The following ARFIP1 variants were observed in gnomAD, a reference collection of about 807,000 sequenced individuals.
ARFIP1 encodes arfaptin-1.
A neutral mutation model predicts 42.5 loss-of-function variants in ARFIP1; 24 were observed. That is an observed-to-expected ratio of 0.57 (90% CI 0.41 to 0.80). The LOEUF (loss-of-function observed/expected upper bound fraction) is 0.80, where lower values mean the gene tolerates loss of function less well. Among genes scored for constraint, ARFIP1 ranks in the 30% least tolerant of loss-of-function variants. The pLI is 0.00. For synonymous variants in ARFIP1, 141 were observed against 153.7 expected (o/e 0.92, Z 0.61); for missense variants, 354 against 434.0 (o/e 0.82, Z 1.64).
intron 2 of ARFIP1, among the ~76,000 whole-genome samples, chr4:152,850,021 T>C (rs1211402369): frequency 6.6e-6 from 1 of 152,182 alleles, no homozygotes; most frequent in Non-Finnish European, 1.5e-5. Context: ...AACTACAGAT[T>C]CCCAAACCTG....
intron 2 of ARFIP1, among the ~76,000 whole-genome samples, chr4:152,853,861 C>G (rs977207967): frequency 2.1e-5 from 3 of 143,730 alleles, no homozygotes; most frequent in Non-Finnish European, 4.6e-5. Flanking sequence ...TTATTTTTTT[C>G]TGATTGGGTT....
intron 1 of ARFIP1, among the ~76,000 whole-genome samples, chr4:152,784,997 G>A (rs1004475527): frequency 1.3e-5 from 2 of 152,158 alleles, no homozygotes; most frequent in African/African-American, 2.4e-5. Flanking sequence ...TTCCAGAGGA[G>A]GGAGTCAGTT....
intron 8 of ARFIP1, among the ~76,000 whole-genome samples, chr4:152,905,545 GTT>G (rs59608457): frequency 3.0e-4 from 9 of 30,378 alleles, no homozygotes; most frequent in South Asian, 1.9e-3. Context: ...TGTAAGAATT[GTT>G]TTTTTTTTTT....
intron 2 of ARFIP1, among the ~76,000 whole-genome samples, chr4:152,837,278 C>G (rs1031809408): frequency 1.3e-5 from 2 of 152,188 alleles, no homozygotes; most frequent in Non-Finnish European, 2.9e-5. Flanking sequence ...TTCTTTTCCT[C>G]TGGCTAGATA....
At chr4:152,820,184 T>A (rs1350513180) in intron 1 of ARFIP1, among the ~76,000 whole-genome samples, 1 of 151,972 alleles carries the variant, frequency 6.6e-6, no homozygotes, top group African/African-American at 2.4e-5. Context: ...CACAGCCACT[T>A]CTGTCAAGGC....
At chr4:152,902,415 T>A (rs1737917208) in intron 8 of ARFIP1, among the ~76,000 whole-genome samples, 1 of 152,128 alleles carries the variant, frequency 6.6e-6, no homozygotes, top group Non-Finnish European at 1.5e-5. Context: ...GGTAGGAGGA[T>A]CACTTGAACC....
At chr4:152,866,721 G>C (rs1451776088) in intron 3 of ARFIP1, among the ~76,000 whole-genome samples, 1 of 151,090 alleles carries the variant, frequency 6.6e-6, no homozygotes, top group African/African-American at 2.4e-5. Flanking sequence ...CCAGGCGGAG[G>C]GGCTCCTCAC....
intron 1 of ARFIP1, among the ~76,000 whole-genome samples, chr4:152,786,762 G>A (rs1221764594): frequency 5.9e-5 from 9 of 152,258 alleles, no homozygotes; most frequent in Non-Finnish European, 1.0e-4. Context: ...CTTGTACCAT[G>A]TTCTGCATAA....
rs575998403 is a variant in ARFIP1 at position 152,835,135 on chromosome 4, C to T, written c.93+5409C>T. 1.6e-3 allele frequency among the ~76,000 whole-genome samples: 238 copies of T among 152,340 alleles called. 1 individual carries two copies. The highest frequency in any genetic ancestry group is 0.015 in the South Asian group (70 of 4,826). On this transcript the variant is annotated intron_variant, in intron 2 of 8. Coordinates refer to ENST00000353617, the MANE Select transcript of ARFIP1 (RefSeq NM_001025595.3). ...TTAGCACATGGCTCCCCTTTAGTCA[C>T]GCTAATCTCTCTAGCAAGTGGCTGC...
chr4:152,910,373 C>A lies in ARFIP1; in HGVS notation c.*154C>A. 1.2e-6 allele frequency: 1 copy of A among 852,176 alleles called. No individual in the cohort carries two copies. The highest frequency in any genetic ancestry group is 1.7e-6 in the Non-Finnish European group (1 of 571,428). 52.8% of individuals were successfully genotyped at this position (852,176 alleles called of 1,614,324 possible). A position where few individuals can be genotyped will look rare whatever the true frequency, so the allele number is the denominator to read the frequency against. On this transcript the variant is annotated 3_prime_UTR_variant, in exon 9 of 9. Transcript: ENST00000353617. ...AATTTTTCCCTTTTTCATACTTTAA[C>A]AATTGAACTGTTAAGGGTGGTTTTA... is the stretch of plus-strand genomic sequence containing the variant.
chr4:152,893,248 A>T (rs1157676541), intron 8 of ARFIP1, among the ~76,000 whole-genome samples: 1 of 152,196 alleles, frequency 6.6e-6, no homozygotes, highest in Non-Finnish European at 1.5e-5. Flanking sequence ...GTCAACTCGG[A>T]GAGGATAAAA....
At chr4:152,908,946 T>C (rs552025896) in intron 8 of ARFIP1, among the ~76,000 whole-genome samples, 13 of 140,810 alleles carry the variant, frequency 9.2e-5, no homozygotes, top group African/African-American at 3.5e-4. Flanking sequence ...GTGTGTAATA[T>C]AGTGAAACAA....
intron 8 of ARFIP1, among the ~76,000 whole-genome samples, chr4:152,905,989 C>A (rs908612334): frequency 3.9e-5 from 6 of 152,078 alleles, no homozygotes; most frequent in Admixed American, 6.5e-5. Flanking sequence ...TGATGTTTTT[C>A]ATTTATAATT....
chr4:152,824,445 A>G (rs1730652258), intron 1 of ARFIP1, among the ~76,000 whole-genome samples: 1 of 152,236 alleles, frequency 6.6e-6, no homozygotes, highest in Admixed American at 6.5e-5. Context: ...CAAAAATGGT[A>G]TGATCATCTC....
chr4:152,872,208 G>A (rs1217821057), intron 4 of ARFIP1, among the ~76,000 whole-genome samples: 1 of 152,072 alleles, frequency 6.6e-6, no homozygotes, highest in African/African-American at 2.4e-5. Context: ...TTTTTTGTTT[G>A]TTTGTTTGTT....
intron 3 of ARFIP1, among the ~76,000 whole-genome samples, chr4:152,867,041 A>C (rs371576111): frequency 6.9e-6 from 1 of 144,640 alleles, no homozygotes; most frequent in Non-Finnish European, 1.5e-5. Context: ...GGCTCCTCAC[A>C]TCCCAGACGA....
chr4:152,822,296 T>TAAAAA (rs70949618), intron 1 of ARFIP1, among the ~76,000 whole-genome samples: 359 of 64,894 alleles, frequency 5.5e-3, no homozygotes, highest in East Asian at 0.014. Context: ...GCAACAGCAG[T>TAAAAA]AAAAAAAAAA....
At chr4:152,783,860 C>T (rs1232159722) in intron 1 of ARFIP1, among the ~76,000 whole-genome samples, 4 of 151,672 alleles carry the variant, frequency 2.6e-5, no homozygotes, top group Non-Finnish European at 5.9e-5. Context: ...TGTGTTAGAA[C>T]ACACACACCT....
chr4:152,825,111 A>G (rs1730723436), intron 1 of ARFIP1, among the ~76,000 whole-genome samples: 1 of 152,132 alleles, frequency 6.6e-6, no homozygotes, highest in African/African-American at 2.4e-5. Context: ...TTCCATAAGA[A>G]TCTGTATTCT....
Sources: allele counts gnomAD v4.1 joint callset (sites outside exome capture counted in the v4.1 genomes callset), GRCh38; gene constraint gnomAD v4.1.1; transcripts MANE v1.5; gene names NCBI Gene and HGNC (gene_info 2026-07-23, HGNC 2026-07-21).